ABCA13: variants seen among roughly 807,000 people sequenced by gnomAD.
ABCA13 encodes ATP binding cassette subfamily A member 13, also known as ATP-binding cassette sub-family A member 13.
Under a neutral mutation model 478.7 loss-of-function variants are expected in ABCA13, and 476 were observed. That is an observed-to-expected ratio of 0.99 (90% confidence interval 0.92 to 1.07). The LOEUF (loss-of-function observed/expected upper bound fraction) is 1.07. ABCA13 is among the 50% of genes least tolerant of loss of function. The pLI is 0.00. For synonymous variants in ABCA13, 2,252 were observed against 2,158.9 expected, an observed-to-expected ratio of 1.04 and a Z score of -1.20; for missense variants, 6,060 against 5,910.6, an observed-to-expected ratio of 1.03 and a Z score of -0.83.
intron 29 of ABCA13, among the ~76,000 whole-genome samples, chr7:48,342,600 A>G (rs1807410460): frequency 6.6e-6 from 1 of 152,066 alleles, no homozygotes; most frequent in African/African-American, 2.4e-5. Context: ...GCATTTCTTG[A>G]ATCAGTGGCC....
At chr7:48,183,302 T>C (rs1054927376) in intron 1 of ABCA13, among the ~76,000 whole-genome samples, 1 of 152,216 alleles carries the variant, frequency 6.6e-6, no homozygotes, top group East Asian at 1.9e-4. Flanking sequence ...AAAATATATT[T>C]AGACTCAATC....
intron 35 of ABCA13, among the ~76,000 whole-genome samples, chr7:48,383,255 T>C (rs563939788): frequency 2.6e-5 from 4 of 152,218 alleles, no homozygotes; most frequent in Non-Finnish European, 5.9e-5. Flanking sequence ...TGCAGTTGTC[T>C]ATGTGTGCAC....
intron 7 of ABCA13, among the ~76,000 whole-genome samples, chr7:48,233,281 G>A (rs1789442825): frequency 6.6e-6 from 1 of 152,110 alleles, no homozygotes; most frequent in African/African-American, 2.4e-5. Context: ...AATGGGTGTT[G>A]AATCATCATG....
chr7:48,188,819 T>C (rs1419674887), intron 1 of ABCA13, among the ~76,000 whole-genome samples: 1 of 152,210 alleles, frequency 6.6e-6, no homozygotes, highest in Non-Finnish European at 1.5e-5. Flanking sequence ...GAAAGGTTTA[T>C]ATTCATGCTC....
intron 6 of ABCA13, among the ~76,000 whole-genome samples, chr7:48,228,559 C>A (rs1788589523): frequency 6.6e-6 from 1 of 152,088 alleles, no homozygotes; most frequent in Non-Finnish European, 1.5e-5. Flanking sequence ...CCTTGAGGTA[C>A]AGACCAAGCT....
chr7:48,295,444 C>T (rs898866965), intron 20 of ABCA13, among the ~76,000 whole-genome samples: 4 of 152,144 alleles, frequency 2.6e-5, no homozygotes, highest in Admixed American at 6.6e-5. Flanking sequence ...AAGAGCCAGG[C>T]GATTTGGTGG....
intron 34 of ABCA13, 51 bp downstream of exon 34, chr7:48,374,467 A>G: frequency 6.7e-7 from 1 of 1,492,670 alleles, no homozygotes; most frequent in East Asian, 2.4e-5. Context: ...ACGTTTTTGG[A>G]AATTAATAGT....
chr7:48,445,011 CTT>C (rs34045232), intron 42 of ABCA13, among the ~76,000 whole-genome samples: 56 of 141,470 alleles, frequency 4.0e-4, no homozygotes, highest in Admixed American at 6.4e-4. Flanking sequence ...TTCTTTCTTT[CTT>C]TTTTTTTTTT....
chr7:48,441,237 C>G (rs1823548237), intron 42 of ABCA13, among the ~76,000 whole-genome samples: 1 of 152,064 alleles, frequency 6.6e-6, no homozygotes, highest in African/African-American at 2.4e-5. Context: ...TTAATGTCTT[C>G]TAAGTAAAGT....
chr7:48,203,438 A>C (rs113361079), intron 3 of ABCA13, among the ~76,000 whole-genome samples: 1,713 of 152,356 alleles, frequency 0.011, 7 homozygotes, highest in Non-Finnish European at 0.017. Context: ...CGCTGAGAGC[A>C]AGCGAGGGCT....
intron 45 of ABCA13, among the ~76,000 whole-genome samples, chr7:48,477,465 C>A (rs1828239250): frequency 6.6e-6 from 1 of 151,824 alleles, no homozygotes; most frequent in African/African-American, 2.4e-5. Context: ...GCACTATTCA[C>A]AATAGCAAAG....
At chr7:48,299,370 T>A (rs1799836217) in intron 23 of ABCA13, among the ~76,000 whole-genome samples, 1 of 152,154 alleles carries the variant, frequency 6.6e-6, no homozygotes, top group Non-Finnish European at 1.5e-5. Flanking sequence ...AAAAAGAGAT[T>A]AGAAGCTGGG....
intron 59 of ABCA13, among the ~76,000 whole-genome samples, chr7:48,640,687 C>T (rs1795041770): frequency 6.6e-6 from 1 of 152,048 alleles, no homozygotes; most frequent in African/African-American, 2.4e-5. Flanking sequence ...TCAAATAAAT[C>T]CTTCAGGGAA....
At chr7:48,409,381 G>A (rs1240233482) in intron 39 of ABCA13, among the ~76,000 whole-genome samples, 2 of 152,346 alleles carry the variant, frequency 1.3e-5, no homozygotes, top group Non-Finnish European at 2.9e-5. Context: ...TTGACAAGAT[G>A]CTAGAATGCT....
chr7:48,640,239 A>G lies in ABCA13; in HGVS notation c.14838-3049A>G, dbSNP rs115047101. Among the ~76,000 whole-genome samples the G allele has an allele frequency of 8.6e-3, 1,315 of 152,296 alleles. 19 individuals are homozygous for G. Among genetic ancestry groups the G allele is most frequent in the African/African-American group, 0.029 (1,225 of 41,564 alleles). ...TTTTAATTTGGGGGGAAGGACTTTT[A>G]TAAGGGGAGCCTTAAGCTCAGGAAT... On this transcript the variant is annotated intron_variant, in intron 59 of 61. Transcript: ENST00000435803.
intron 29 of ABCA13, among the ~76,000 whole-genome samples, chr7:48,341,739 G>T (rs545138040): frequency 1.3e-5 from 2 of 149,066 alleles, no homozygotes; most frequent in South Asian, 4.3e-4. Context: ...GTGTGTGTAT[G>T]TGTGTGTGTT....
At chr7:48,562,739 C>T (rs1420859666) in intron 55 of ABCA13, among the ~76,000 whole-genome samples, 1 of 152,046 alleles carries the variant, frequency 6.6e-6, no homozygotes, top group Admixed American at 6.6e-5. Flanking sequence ...GTGTTTGTTA[C>T]ATGTTCAAAG....
At chr7:48,483,310 A>G (rs1828966503) in intron 47 of ABCA13, 147 bp downstream of exon 47, 1 of 687,164 alleles carries the variant, frequency 1.5e-6, no homozygotes, top group Non-Finnish European at 2.3e-6. Context: ...ATATGTAAAC[A>G]TTGTCTTGAA....
chr7:48,203,773 C>A (rs1212188121), intron 3 of ABCA13, among the ~76,000 whole-genome samples: 1 of 152,230 alleles, frequency 6.6e-6, no homozygotes, highest in African/African-American at 2.4e-5. Flanking sequence ...CACTGTCTGA[C>A]AACCTTCGGG....
Sources: allele counts gnomAD v4.1 joint callset (sites outside exome capture counted in the v4.1 genomes callset), GRCh38; gene constraint gnomAD v4.1.1; transcripts MANE v1.5; gene names NCBI Gene and HGNC (gene_info 2026-07-23, HGNC 2026-07-21).